Variants in FSIP2 observed in about 807,000 individuals in gnomAD.
FSIP2 encodes the protein fibrous sheath interacting protein 2, also known as fibrous sheath-interacting protein 2.
In FSIP2, 367 loss-of-function variants were observed where a neutral mutation model predicts 510.5. The observed-to-expected ratio is 0.72, with a 90% confidence interval of 0.66 to 0.78. FSIP2 has a LOEUF of 0.78. FSIP2 is among the 30% of genes least tolerant of loss of function. FSIP2 has a pLI of 0.00. For synonymous variants in FSIP2, 2,601 were observed against 2,732.2 expected (o/e 0.95, Z 1.50); for missense variants, 7,594 against 7,901.7 (o/e 0.96, Z 1.48).
intron 5 of FSIP2, among the ~76,000 whole-genome samples, chr2:185,745,956 T>A (rs1574152341): frequency 6.6e-6 from 1 of 152,256 alleles, no homozygotes; most frequent in East Asian, 1.9e-4. Flanking sequence ...CTGATGCCAA[T>A]ATATAAATAT....
chr2:185,756,208 A>G lies in FSIP2; in HGVS notation c.1008A>G (p.Lys336=). 1 of 1,297,048 alleles carries G rather than the reference A, an allele frequency of 7.7e-7. No homozygotes were observed. The highest frequency in any genetic ancestry group is 1.1e-6 in the Non-Finnish European group (1 of 951,654). 80.3% of individuals were successfully genotyped at this position (1,297,048 alleles called of 1,614,324 possible). A position where few individuals can be genotyped will look rare whatever the true frequency, so the allele number is the denominator to read the frequency against. The stretch of plus-strand genomic sequence containing the variant: ...TTCTTTAAGCTTCTCCAAAGAATAA[A>G]AAGAAGACTTCTGAAGATATAATGT... ...QDGTHASPKN[K]KKTSEDIMLV... Residue 336 remains lysine (K), a synonymous_variant, in exon 9 of 23, where the codon AAA becomes AAG. Coordinates refer to ENST00000424728, the MANE Select transcript of FSIP2 (RefSeq NM_173651.4).
In FSIP2 at chr2:185,789,074, T is replaced by G; in HGVS notation, c.1938T>G (p.Asp646Glu). 2.0e-6 allele frequency: 3 copies of G among 1,534,704 alleles called. No individual in the cohort carries two copies. Among genetic ancestry groups the G allele is most frequent in the Non-Finnish European group, 1.7e-6 (2 of 1,145,786 alleles). The part of the protein sequence containing the change: ...SYPKLRSCKS[D>E]SHLLASFETG... Reference sequence around the variant, plus strand: ...CTAAGCTCAGAAGTTGTAAATCAGATAGTCACCTTTTAGCATCATTTGAAA... The same window carrying G: ...CTAAGCTCAGAAGTTGTAAATCAGAGAGTCACCTTTTAGCATCATTTGAAA... Residue 646 changes from aspartate (D) to glutamate (E), a missense_variant, in exon 16 of 23, where the codon GAT (aspartate) becomes GAG (glutamate). Asp to Glu is a conservative substitution (Grantham distance 45). Transcript: ENST00000424728.
intron 6 of FSIP2, 142 bp downstream of exon 6, chr2:185,746,952 A>G: frequency 7.8e-6 from 5 of 642,954 alleles, no homozygotes; most frequent in Non-Finnish European, 1.3e-5. Context: ...CTTCATAGCT[A>G]TAATATACAA....
chr2:185,796,716 G>T lies in FSIP2; in HGVS notation c.9580G>T (p.Glu3194Ter). Residue 3194 changes from glutamate to a stop codon, truncating the protein, a stop_gained, in exon 16 of 23, where the codon GAA (glutamate) becomes TAA (stop). Coordinates refer to ENST00000424728, the MANE Select transcript of FSIP2 (RefSeq NM_173651.4). LOFTEE classifies it high-confidence loss of function. ...SKTGFVFCSD[E>*]DMKEKYRVSS... ...AACTGGGTTTGTGTTTTGTTCAGAT[G>T]AAGATATGAAAGAAAAGTACAGGGT... 6.5e-7 allele frequency: 1 copy of T among 1,535,062 alleles called. No individual in the cohort carries two copies. Among genetic ancestry groups the T allele is most frequent in the Non-Finnish European group, 8.7e-7 (1 of 1,146,244 alleles).
chr2:185,797,363 T>C lies in FSIP2; in HGVS notation c.10227T>C (p.Phe3409=). 6.5e-7 allele frequency: 1 copy of C among 1,528,976 alleles called. No homozygotes were observed. The highest frequency in any genetic ancestry group is 8.7e-7 in the Non-Finnish European group (1 of 1,144,858). The allele number at this position is 1,528,976 out of a possible 1,614,324, so 94.7% of individuals were successfully genotyped here. The change falls in exon 16 of 23, where the codon TTT becomes TTC. Residue 3409 remains phenylalanine (F), a synonymous_variant. Coordinates refer to ENST00000424728, the MANE Select transcript of FSIP2 (RefSeq NM_173651.4). ...NLEASREDSS[F]LQKLKKKEYP... Reference sequence around the variant, plus strand: ...AAGCCAGCCGGGAAGATTCTTCTTTTTTGCAAAAATTGAAAAAAAAGGAGT... The same window carrying C: ...AAGCCAGCCGGGAAGATTCTTCTTTCTTGCAAAAATTGAAAAAAAAGGAGT...
intron 13 of FSIP2, among the ~76,000 whole-genome samples, chr2:185,776,398 A>G (rs1244916963): frequency 6.6e-6 from 1 of 152,084 alleles, no homozygotes; most frequent in African/African-American, 2.4e-5. Flanking sequence ...TCATTGCTTT[A>G]TACGTATTTT....
chr2:185,797,802 T>A (rs1401646044), intron 16 of FSIP2: 4 of 286,600 alleles, frequency 1.4e-5, no homozygotes, highest in African/African-American at 2.2e-5. Context: ...CATCCTCCCA[T>A]CTCAGCCTTC....
rs565947121 is a variant in FSIP2, at chr2:185,764,746, T to A, written c.1411+181T>A. The A allele has an allele frequency of 1.1e-5, 6 of 528,760 alleles. No homozygotes were observed. The Middle Eastern group carries it at 2.0e-3, about 178-fold the overall frequency. The allele number at this position is 528,760 out of a possible 1,614,324, so 32.8% of individuals were successfully genotyped here. ...TTGGAAAGATAGTCATGGCCCAATA[T>A]GATAAGAGCAATAAAGGAAGTGGGT... On this transcript the variant is annotated intron_variant, in intron 13 of 22. Transcript: ENST00000424728.
intron 13 of FSIP2, among the ~76,000 whole-genome samples, chr2:185,777,243 C>CT (rs1292101286): frequency 6.6e-6 from 1 of 152,084 alleles, no homozygotes; most frequent in African/African-American, 2.4e-5. Flanking sequence ...GAGAGACCTT[C>CT]TTTTTTTCTC....
At chr2:185,761,153 C>A in intron 10 of FSIP2, 50 bp downstream of exon 10, 2 of 714,532 alleles carry the variant, frequency 2.8e-6, no homozygotes, top group South Asian at 2.1e-5. Flanking sequence ...AATTTATCTA[C>A]TTAACTTTTA....
Position 185,795,634 on chromosome 2 carries a change from G to T in FSIP2, c.8498G>T (p.Arg2833Ile). The T allele has an allele frequency of 6.5e-7, 1 of 1,534,664 alleles. No individual in the cohort carries two copies. Among genetic ancestry groups the T allele is most frequent in the Non-Finnish European group, 8.7e-7 (1 of 1,145,962 alleles). The change falls in exon 16 of 23, where the codon AGA (arginine) becomes ATA (isoleucine). Residue 2833 changes from arginine to isoleucine, a missense_variant. By Grantham distance (97) the Arg-to-Ile change is moderately conservative. Coordinates refer to ENST00000424728, the MANE Select transcript of FSIP2 (RefSeq NM_173651.4). Reference protein sequence around the residue: ...VSSQLEHIFPREGIFKKLFDK... With the variant: ...VSSQLEHIFPIEGIFKKLFDK... ...TCACAGCTAGAGCACATTTTTCCTAGAGAAGGTATATTTAAAAAATTGTTT... is the reference window on the plus strand; with the variant it reads ...TCACAGCTAGAGCACATTTTTCCTATAGAAGGTATATTTAAAAAATTGTTT...
chr2:185,750,603 G>GTTTTTTTTTT (rs71014622), intron 7 of FSIP2, among the ~76,000 whole-genome samples: 2 of 136,446 alleles, frequency 1.5e-5, no homozygotes, highest in African/African-American at 2.7e-5. Flanking sequence ...GCATTTCTCT[G>GTTTTTTTTTT]TTTTTTTTTT....
At position 185,801,248 on chromosome 2, in the gene FSIP2, C is replaced by T; in HGVS notation, c.11942C>T (p.Ser3981Leu). ...YSATFLEGII[S>L]ELFFNLSMSL... is the part of the protein sequence containing the mutation. ...GCCACATTTTTGGAAGGAATAATTT[C>T]AGAATTGTTTTTTAATCTCTCTATG... Residue 3981 changes from serine to leucine, a missense_variant, in exon 17 of 23, where the codon TCA (serine) becomes TTA (leucine). Ser to Leu is a moderately radical substitution (Grantham distance 145). Coordinates refer to ENST00000424728, the MANE Select transcript of FSIP2 (RefSeq NM_173651.4). 1 of 1,534,110 alleles carries T rather than the reference C, an allele frequency of 6.5e-7. No homozygotes were observed. The highest frequency in any genetic ancestry group is 1.2e-5 in the South Asian group (1 of 84,006).
Position 185,761,038 on chromosome 2 carries a change from A to C in FSIP2, c.1129A>C (p.Thr377Pro). Reference protein sequence around the residue: ...HQRQNSSNNFTKKNSASVVYQ... With the variant: ...HQRQNSSNNFPKKNSASVVYQ... ...GCGTCAAAATAGTTCAAATAATTTT[A>C]CGAAAAAAAACTCAGCTTCTGTTGT... The change falls in exon 10 of 23, where the codon ACG (threonine) becomes CCG (proline). Residue 377 changes from threonine to proline, a missense_variant. Coordinates refer to ENST00000424728, the MANE Select transcript of FSIP2 (RefSeq NM_173651.4). The C allele has an allele frequency of 6.6e-7, 1 of 1,510,782 alleles. No homozygotes were observed. Among genetic ancestry groups the C allele is most frequent in the Non-Finnish European group, 8.9e-7 (1 of 1,128,382 alleles). The allele number at this position is 1,510,782 out of a possible 1,614,324, so 93.6% of individuals were successfully genotyped here.
intron 13 of FSIP2, among the ~76,000 whole-genome samples, chr2:185,769,770 T>C (rs1040259043): frequency 6.6e-6 from 1 of 152,210 alleles, no homozygotes; most frequent in Non-Finnish European, 1.5e-5. Context: ...CATTTCAGTC[T>C]TTAATCCATC....
chr2:185,830,054 A>G (rs771798076), intron 21 of FSIP2, among the ~76,000 whole-genome samples: 5 of 151,906 alleles, frequency 3.3e-5, no homozygotes, highest in Non-Finnish European at 5.9e-5. Context: ...AAAAACAGAA[A>G]TTAAATTGAA....
Position 185,791,710 on chromosome 2 carries a change from C to T in FSIP2, c.4574C>T (p.Ser1525Leu), listed in dbSNP as rs1255984177. The T allele has an allele frequency of 2.6e-6, 4 of 1,534,216 alleles. No individual in the cohort carries two copies. The highest frequency in any genetic ancestry group is 3.5e-6 in the Non-Finnish European group (4 of 1,145,554). Residue 1525 changes from serine (S) to leucine (L), a missense_variant, in exon 16 of 23, where the codon TCA becomes TTA. Physicochemically the swap from Ser to Leu is moderately radical, Grantham distance 145. Transcript: ENST00000424728. ...GACATTGACAACCCATCATTTGCTT[C>T]AATTATTGAGAAAATGGCCAAATCC... ...SLDIDNPSFA[S>L]IIEKMAKSTK...
At chr2:185,811,927 A>G (rs1693739856) in intron 17 of FSIP2, among the ~76,000 whole-genome samples, 1 of 152,138 alleles carries the variant, frequency 6.6e-6, no homozygotes, top group Admixed American at 6.5e-5. Context: ...GGTGTATGGA[A>G]AAACCTGCAT....
chr2:185,802,892 A>T lies in FSIP2; in HGVS notation c.13586A>T (p.Glu4529Val). 1 of 1,498,316 alleles carries T rather than the reference A, an allele frequency of 6.7e-7. No homozygotes were observed. 92.8% of individuals were successfully genotyped at this position (1,498,316 alleles called of 1,614,324 possible). The change falls in exon 17 of 23, where the codon GAA (glutamate) becomes GTA (valine). Residue 4529 changes from glutamate to valine, a missense_variant. Coordinates refer to ENST00000424728, the MANE Select transcript of FSIP2 (RefSeq NM_173651.4). ...QHEIRFSKEE[E>V]ETKFIYSEDD... ...GAAATTCGATTTTCAAAAGAGGAAG[A>T]AGAAACCAAGTTTATTTATTCAGAA... is the stretch of plus-strand genomic sequence containing the variant.
Sources: allele counts gnomAD v4.1 joint callset (sites outside exome capture counted in the v4.1 genomes callset), GRCh38; gene constraint gnomAD v4.1.1; transcripts MANE v1.5; gene names NCBI Gene and HGNC (gene_info 2026-07-23, HGNC 2026-07-21).